ZNF23: variants seen among roughly 807,000 people sequenced by gnomAD.
ZNF23 encodes zinc finger protein 23, also known as kruppel-like zinc finger factor X31.
In ZNF23, 48 loss-of-function variants were observed where a neutral mutation model predicts 56.2. The ratio of observed to expected loss-of-function variants is 0.85; its 90% CI spans 0.68 to 1.09. The LOEUF (loss-of-function observed/expected upper bound fraction) is 1.09. Ranked by LOEUF, ZNF23 falls within the 50% of genes least tolerant of loss-of-function variation. The pLI is 0.00. For synonymous variants in ZNF23, 266 were observed against 283.3 expected, an observed-to-expected ratio of 0.94 and a Z score of 0.61; for missense variants, 805 against 811.4, an observed-to-expected ratio of 0.99 and a Z score of 0.10.
At position 71,448,368 on chromosome 16, in the gene ZNF23, T is replaced by G. The variant is rs1475117399; in HGVS notation, c.1786A>C (p.Ile596Leu). 3 of 1,614,004 alleles carry G rather than the reference T, an allele frequency of 1.9e-6. No homozygotes were observed. The highest frequency in any genetic ancestry group is 1.3e-5 in the African/African-American group (1 of 74,890). The change falls in exon 5 of 5, where the codon ATC becomes CTC. Residue 596 changes from isoleucine to leucine, a missense_variant. Coordinates refer to ENST00000647773, the MANE Select transcript of ZNF23 (RefSeq NM_001381984.1). ...CSSNYIVHQR[I>L]HTGEKPFQCK... The stretch of plus-strand genomic sequence containing the variant: ...TGAAAGGGTTTCTCTCCTGTATGGA[T>G]TCTCTGGTGCACAATATAGTTAGAA...
intron 3 of ZNF23, 95 bp downstream of exon 3, chr16:71,453,947 G>A: frequency 2.8e-6 from 4 of 1,417,744 alleles, no homozygotes; most frequent in Non-Finnish European, 3.0e-6. Context: ...ACTCAGTAAA[G>A]GATTACCAGA....
intron 1 of ZNF23, among the ~76,000 whole-genome samples, chr16:71,457,312 C>G (rs2043270412): frequency 6.6e-6 from 1 of 152,112 alleles, no homozygotes. Flanking sequence ...AGCCTGTAAT[C>G]CCAGCACTTT....
At position 71,449,710 on chromosome 16, in the gene ZNF23, G is replaced by T. The variant is rs146721553; in HGVS notation, c.444C>A (p.Thr148=). The T allele has an allele frequency of 6.2e-7, 1 of 1,613,714 alleles. No homozygotes were observed. The highest frequency in any genetic ancestry group is 8.5e-7 in the Non-Finnish European group (1 of 1,180,024). The change falls in exon 5 of 5, where the codon ACC becomes ACA. Residue 148 remains threonine, a synonymous_variant. Coordinates refer to ENST00000647773, the MANE Select transcript of ZNF23 (RefSeq NM_001381984.1). ...TCTCATCTTTCACTGTTCCATCAATGGTGTTGCTCTTCTCCTTCTTTATAT... is the reference window on the plus strand; with the variant it reads ...TCTCATCTTTCACTGTTCCATCAATTGTGTTGCTCTTCTCCTTCTTTATAT... The part of the protein sequence containing the change: ...AGNIKKEKSN[T]IDGTVKDETS...
chr16:71,449,940 A>C (rs2042996921), intron 4 of ZNF23, 55 bp from the exon 5 acceptor site: 1 of 1,416,630 alleles, frequency 7.1e-7, no homozygotes, highest in Non-Finnish European at 9.5e-7. Context: ...AGGAAAAAGA[A>C]GAGAACTGTG....
At chr16:71,450,969 G>C (rs1021595896) in intron 4 of ZNF23, 2 of 180,350 alleles carry the variant, frequency 1.1e-5, no homozygotes, top group Non-Finnish European at 2.4e-5. Flanking sequence ...AAATAATTTT[G>C]TTTCTTTCCT....
At chr16:71,461,599 T>C (rs1222532215) in intron 1 of ZNF23, 3 of 152,162 alleles carry the variant, frequency 2.0e-5, no homozygotes, top group Admixed American at 6.5e-5. Context: ...GTAATTACGT[T>C]GTAGAAGTCA....
rs1787637807 is a variant in ZNF23 at position 71,449,752 on chromosome 16, T to C, written c.402A>G (p.Glu134=). 2 of 1,614,030 alleles carry C rather than the reference T, an allele frequency of 1.2e-6. No individual in the cohort carries two copies. The highest frequency in any genetic ancestry group is 1.7e-6 in the Non-Finnish European group (2 of 1,180,048). ...TCTTTATATTTCCTGCTGAGTGGAC[T>C]TCCTGTTGTTTCTCTAGAAGAGAGG... ...SEASLLEKQQ[E]VHSAGNIKKE... is the part of the protein sequence containing the mutation. Residue 134 remains glutamate, a synonymous_variant, in exon 5 of 5, where the codon GAA becomes GAG. Transcript: ENST00000647773.
chr16:71,458,713 G>A (rs1372833214), intron 1 of ZNF23, among the ~76,000 whole-genome samples: 1 of 152,188 alleles, frequency 6.6e-6, no homozygotes, highest in African/African-American at 2.4e-5. Flanking sequence ...CCCATGTGAG[G>A]ACACAACGAG....
At position 71,453,361 on chromosome 16, in the gene ZNF23, A is replaced by C. The variant is rs1212325407; in HGVS notation, c.161-11T>G. 6.4e-7 allele frequency: 1 copy of C among 1,561,888 alleles called. No homozygotes were observed. The highest frequency in any genetic ancestry group is 8.7e-7 in the Non-Finnish European group (1 of 1,146,130). On this transcript the variant is annotated splice_polypyrimidine_tract_variant and intron_variant, in intron 3 of 4. Coordinates refer to ENST00000647773, the MANE Select transcript of ZNF23 (RefSeq NM_001381984.1). ...TGAGAAGTGGAAATCCTGGTTTGGG[A>C]GAGGTAAATAGGAGAGACAGATGAA...
At chr16:71,454,278 A>G in intron 2 of ZNF23, 110 bp from the exon 3 acceptor site, 1 of 1,388,848 alleles carries the variant, frequency 7.2e-7, no homozygotes, top group Admixed American at 2.8e-5. Flanking sequence ...AGAGCACAAA[A>G]TTAGTATTAA....
chr16:71,459,994 G>T (rs1022998744), intron 1 of ZNF23, among the ~76,000 whole-genome samples: 1 of 152,196 alleles, frequency 6.6e-6, no homozygotes, highest in East Asian at 1.9e-4. Flanking sequence ...CTAGTCAAGG[G>T]TGTATACCTG....
intron 4 of ZNF23, chr16:71,451,596 A>G (rs2043058362): frequency 6.6e-6 from 1 of 152,296 alleles, no homozygotes; most frequent in African/African-American, 2.4e-5. Flanking sequence ...CAGTGAGAAG[A>G]CAGCTGTCTA....
rs1454290372 is a variant in ZNF23, at chr16:71,454,012, T to C, written c.160+30A>G. On this transcript the variant is annotated intron_variant, in intron 3 of 4. Coordinates refer to ENST00000647773, the MANE Select transcript of ZNF23 (RefSeq NM_001381984.1). ...CAAGCCAGGAACCCCAATTGGCAGA[T>C]TCCAGGTTCCCAGGGTAGAGAGGTC... 7 of 1,613,584 alleles carry C rather than the reference T, an allele frequency of 4.3e-6. 1 individual carries two copies. In the South Asian group the frequency reaches 5.5e-5, roughly 13 times the overall value.
At chr16:71,456,951 T>A (rs2043255542) in intron 1 of ZNF23, 123 bp from the exon 2 acceptor site, 1 of 190,114 alleles carries the variant, frequency 5.3e-6, no homozygotes, top group Non-Finnish European at 9.7e-6. Flanking sequence ...GAACAGGAGC[T>A]GCCCAAGAAG....
chr16:71,448,944 C>G lies in ZNF23; in HGVS notation c.1210G>C (p.Glu404Gln), dbSNP rs1052008421. ...CACTCTTTACACTGATAGGGCTTTTCTCCTGTGTGGATGCTCTGATGCTGC... is the reference window on the plus strand; with the variant it reads ...CACTCTTTACACTGATAGGGCTTTTGTCCTGTGTGGATGCTCTGATGCTGC... ...LRQHQSIHTGEKPYQCKECGK... is the reference protein window; with the variant it reads ...LRQHQSIHTGQKPYQCKECGK... Residue 404 changes from glutamate to glutamine, a missense_variant, in exon 5 of 5, where the codon GAA becomes CAA. Transcript: ENST00000647773. 1.9e-6 allele frequency: 3 copies of G among 1,614,104 alleles called. No homozygotes were observed. The African/African-American group carries it at 4.0e-5, about 22-fold the overall frequency.
intron 2 of ZNF23, chr16:71,456,009 TG>T (rs2043217597): frequency 2.2e-6 from 1 of 456,572 alleles, no homozygotes; most frequent in Non-Finnish European, 4.4e-6. Context: ...GGGCTTAGTA[TG>T]GCTCCTGGAG....
At chr16:71,461,925 C>A (rs2043474090) in intron 1 of ZNF23, 1 of 152,306 alleles carries the variant, frequency 6.6e-6, no homozygotes, top group Non-Finnish European at 1.5e-5. Context: ...GACACATCTT[C>A]CCCCGTCGAC....
At position 71,453,303 on chromosome 16, in the gene ZNF23, T is replaced by G. The variant is rs2070832; in HGVS notation, c.208A>C (p.Ser70Arg). Residue 70 changes from serine (S) to arginine (R), a missense_variant, in exon 4 of 5, where the codon AGT (serine) becomes CGT (arginine). Coordinates refer to ENST00000647773, the MANE Select transcript of ZNF23 (RefSeq NM_001381984.1). Reference protein sequence around the residue: ...PAVISQLEGGSELGGSSPLAA... With the variant: ...PAVISQLEGGRELGGSSPLAA... ...AGTGGAGATGAGCCCCCCAGCTCAC[T>G]TCCTCCCTCCAGTTGTGAGATCACA... 6.2e-7 allele frequency: 1 copy of G among 1,606,294 alleles called. No individual in the cohort carries two copies. The highest frequency in any genetic ancestry group is 8.5e-7 in the Non-Finnish European group (1 of 1,175,978).
Position 71,447,832 on chromosome 16 carries a change from A to G in ZNF23, c.*261T>C, listed in dbSNP as rs2042901648. The G allele has an allele frequency of 1.7e-5, 5 of 290,146 alleles. No individual in the cohort carries two copies. Among genetic ancestry groups the G allele is most frequent in the African/African-American group, 2.2e-5 (1 of 45,966 alleles). 18.0% of individuals were successfully genotyped at this position (290,146 alleles called of 1,614,324 possible). ...CTCCATAACTGTTTATTTCTAGAAA[A>G]TCTACTTTTCTTGATGCTGCTGGGA... On this transcript the variant is annotated 3_prime_UTR_variant, in exon 5 of 5. Transcript: ENST00000647773.
Sources: gnomAD v4.1 joint callset for allele counts (sites outside exome capture counted in the v4.1 genomes callset) on GRCh38, gnomAD v4.1.1 for gene constraint, MANE v1.5 for transcripts, NCBI Gene and HGNC (gene_info 2026-07-23, HGNC 2026-07-21) for gene names.